The following HOOK3 variants were observed in gnomAD, a reference collection of about 807,000 sequenced individuals.
HOOK3 encodes the protein protein Hook homolog 3.
A neutral mutation model predicts 116.3 loss-of-function variants in HOOK3; 24 were observed. The ratio of observed to expected loss-of-function variants is 0.21; its 90% CI spans 0.15 to 0.29. The LOEUF (loss-of-function observed/expected upper bound fraction) is 0.29. Among genes scored for constraint, HOOK3 ranks in the 10% least tolerant of loss-of-function variants. The pLI is 1.00. For synonymous variants in HOOK3, 275 were observed against 283.0 expected, an observed-to-expected ratio of 0.97 and a Z score of 0.28; for missense variants, 632 against 830.2, an observed-to-expected ratio of 0.76 and a Z score of 2.93.
At chr8:42,911,868 T>G (rs1293835050) in intron 2 of HOOK3, among the ~76,000 whole-genome samples, 1 of 152,084 alleles carries the variant, frequency 6.6e-6, no homozygotes, top group Admixed American at 6.6e-5. Flanking sequence ...GAGTGTAGTT[T>G]GGGGGACATC....
At chr8:42,924,425 A>G (rs1807723527) in intron 2 of HOOK3, among the ~76,000 whole-genome samples, 1 of 150,356 alleles carries the variant, frequency 6.7e-6, no homozygotes, top group East Asian at 2.0e-4. Context: ...TTCAGATTCT[A>G]TCCTCGTTTC....
chr8:42,919,285 C>T (rs567222687), intron 2 of HOOK3, among the ~76,000 whole-genome samples: 41 of 145,708 alleles, frequency 2.8e-4, no homozygotes, highest in African/African-American at 7.8e-4. Flanking sequence ...CAGTCAGAGA[C>T]GCTCCTCACC....
At chr8:42,962,204 T>C (rs894726055) in intron 8 of HOOK3, among the ~76,000 whole-genome samples, 2 of 152,102 alleles carry the variant, frequency 1.3e-5, no homozygotes, top group Admixed American at 1.3e-4. Context: ...CACCTCAGCC[T>C]TCCAAATAGC....
rs749130524 is a variant in HOOK3, at chr8:43,007,917, T to A, written c.1726T>A (p.Phe576Ile). Residue 576 changes from phenylalanine (F) to isoleucine (I), a missense_variant, in exon 18 of 22, where the codon TTT (phenylalanine) becomes ATT (isoleucine). Physicochemically the swap from Phe to Ile is conservative, Grantham distance 21. Coordinates refer to ENST00000307602, the MANE Select transcript of HOOK3 (RefSeq NM_032410.4). ...RAIIEDLEPR[F>I]NNSSLKIEEL... ...CATTATTGAAGATCTCGAGCCAAGA[T>A]TTAACAACAGCTGTGAGTTTTCCTA... 2 of 1,591,440 alleles carry A rather than the reference T, an allele frequency of 1.3e-6. No individual in the cohort carries two copies. Among genetic ancestry groups the A allele is most frequent in the Non-Finnish European group, 1.7e-6 (2 of 1,165,028 alleles).
chr8:42,936,336 CAG>C (rs1171428635), intron 4 of HOOK3, among the ~76,000 whole-genome samples: 11 of 152,190 alleles, frequency 7.2e-5, no homozygotes, highest in African/African-American at 2.7e-4. Flanking sequence ...CATCTGCAAA[CAG>C]AGACAATTTG....
At chr8:42,948,988 A>C (rs1000278915) in intron 5 of HOOK3, among the ~76,000 whole-genome samples, 6 of 152,258 alleles carry the variant, frequency 3.9e-5, no homozygotes, top group Non-Finnish European at 8.8e-5. Context: ...CTTTAGCATT[A>C]ACCAGAAGTC....
intron 2 of HOOK3, 74 bp downstream of exon 2, chr8:42,906,332 A>G: frequency 9.2e-7 from 1 of 1,083,046 alleles, no homozygotes; most frequent in Non-Finnish European, 1.4e-6. Context: ...ATGGATTAAA[A>G]AAGTACTTAC....
At position 42,974,750 on chromosome 8, in the gene HOOK3, T is replaced by C. The variant is rs977186636; in HGVS notation, c.1321+556T>C. 8.5e-5 allele frequency among the ~76,000 whole-genome samples: 13 copies of C among 152,112 alleles called. 1 individual carries two copies. The highest frequency in any genetic ancestry group is 2.6e-4 in the Admixed American group (4 of 15,276). On this transcript the variant is annotated intron_variant, in intron 13 of 21. Coordinates refer to ENST00000307602, the MANE Select transcript of HOOK3 (RefSeq NM_032410.4). Reference sequence around the variant, plus strand: ...ATTAGTCACACCTGCCTTTTTAAGATGAATGCGCAAAAAGGGGAAGAGGAA... The same window carrying C: ...ATTAGTCACACCTGCCTTTTTAAGACGAATGCGCAAAAAGGGGAAGAGGAA...
At position 43,025,143 on chromosome 8, in the gene HOOK3, A is replaced by G. The variant is rs572659400; in HGVS notation, c.*6645A>G. 9.5e-6 allele frequency: 2 copies of G among 211,566 alleles called. No individual in the cohort carries two copies. Among genetic ancestry groups the G allele is most frequent in the South Asian group, 3.8e-4 (2 of 5,332 alleles). 13.1% of individuals were successfully genotyped at this position (211,566 alleles called of 1,614,324 possible). A position where few individuals can be genotyped will look rare whatever the true frequency, so the allele number is the denominator to read the frequency against. Reference sequence around the variant, plus strand: ...AGACCTGTACCTAATTATGGCAAGTATATGAGTTTTGGTGATTGTGGGGGG... The same window carrying G: ...AGACCTGTACCTAATTATGGCAAGTGTATGAGTTTTGGTGATTGTGGGGGG... On this transcript the variant is annotated 3_prime_UTR_variant, in exon 22 of 22. Coordinates refer to ENST00000307602, the MANE Select transcript of HOOK3 (RefSeq NM_032410.4).
chr8:42,995,821 G>A (rs1045506610), intron 15 of HOOK3, among the ~76,000 whole-genome samples: 4 of 151,962 alleles, frequency 2.6e-5, no homozygotes, highest in East Asian at 1.9e-4. Flanking sequence ...AAGATAGTTC[G>A]TCTGTCCCTT....
At chr8:42,988,707 C>A (rs1809096350) in intron 15 of HOOK3, among the ~76,000 whole-genome samples, 1 of 152,200 alleles carries the variant, frequency 6.6e-6, no homozygotes, top group East Asian at 1.9e-4. Context: ...TGCTTTCTTA[C>A]TTTATGAAAG....
chr8:42,938,696 TC>T (rs1217291097), intron 4 of HOOK3, among the ~76,000 whole-genome samples: 4 of 150,490 alleles, frequency 2.7e-5, no homozygotes, highest in African/African-American at 9.9e-5. Flanking sequence ...AAAATGCTTT[TC>T]TTTTATTTAT....
At chr8:43,007,016 ATTTTTTTTTTTT>A (rs58609523) in intron 17 of HOOK3, among the ~76,000 whole-genome samples, 6 of 103,244 alleles carry the variant, frequency 5.8e-5, no homozygotes, top group Non-Finnish European at 9.4e-5. Flanking sequence ...AAGTTCCTAG[ATTTTTTTTTTTT>A]TTTTTTTTTT....
At chr8:42,930,205 G>A in intron 4 of HOOK3, 33 bp downstream of exon 4, 1 of 1,479,988 alleles carries the variant, frequency 6.8e-7, no homozygotes, top group Non-Finnish European at 9.0e-7. Flanking sequence ...GCTTAGAAGT[G>A]TTACTATCGG....
chr8:42,957,853 G>A (rs532652094), intron 7 of HOOK3, among the ~76,000 whole-genome samples: 12 of 138,924 alleles, frequency 8.6e-5, no homozygotes, highest in South Asian at 2.2e-4. Flanking sequence ...TGTTTGACAC[G>A]GAGTCTTGGT....
intron 2 of HOOK3, among the ~76,000 whole-genome samples, chr8:42,919,318 G>A (rs959411580): frequency 6.6e-6 from 1 of 151,538 alleles, no homozygotes; most frequent in Non-Finnish European, 1.5e-5. Context: ...TGGCGGCGGG[G>A]CAGAGACACT....
rs530613489 is a variant in HOOK3, at chr8:42,922,625, A to C, written c.144-2932A>C. Among the ~76,000 whole-genome samples, 7 of 152,198 alleles carry C rather than the reference A, an allele frequency of 4.6e-5. No individual in the cohort carries two copies. The South Asian group carries it at 1.5e-3, about 32-fold the overall frequency. On this transcript the variant is annotated intron_variant, in intron 2 of 21. Coordinates refer to ENST00000307602, the MANE Select transcript of HOOK3 (RefSeq NM_032410.4). Reference sequence around the variant, plus strand: ...AGAAAGTGGAAAAACATGGCCGGGCATAGTGGCTCAAGCCTCTAATCCCAG... The same window carrying C: ...AGAAAGTGGAAAAACATGGCCGGGCCTAGTGGCTCAAGCCTCTAATCCCAG...
intron 1 of HOOK3, among the ~76,000 whole-genome samples, chr8:42,898,272 C>G (rs1360260496): frequency 6.6e-6 from 1 of 152,208 alleles, no homozygotes; most frequent in African/African-American, 2.4e-5. Context: ...GAATCAATTT[C>G]TGTCCTCTGA....
At chr8:42,974,878 C>T (rs757425485) in intron 13 of HOOK3, among the ~76,000 whole-genome samples, 3 of 152,164 alleles carry the variant, frequency 2.0e-5, no homozygotes, top group African/African-American at 7.2e-5. Context: ...ACCTCTAAGC[C>T]GTGGGTAAAA....
Sources: gnomAD v4.1 joint callset for allele counts (sites outside exome capture counted in the v4.1 genomes callset) on GRCh38, gnomAD v4.1.1 for gene constraint, MANE v1.5 for transcripts, NCBI Gene and HGNC (gene_info 2026-07-23, HGNC 2026-07-21) for gene names.